CHCHD6: variants seen among roughly 807,000 people sequenced by gnomAD.
The protein encoded by CHCHD6 is MICOS complex subunit MIC25.
A neutral mutation model predicts 32.3 loss-of-function variants in CHCHD6; 28 were observed. That is an observed-to-expected ratio of 0.87 (90% confidence interval 0.64 to 1.19). The LOEUF (loss-of-function observed/expected upper bound fraction) is 1.19, where lower values mean the gene tolerates loss of function less well. Among genes scored for constraint, CHCHD6 ranks in the 50% most tolerant of loss-of-function variants. The pLI is 0.00. For synonymous variants in CHCHD6, 122 were observed against 117.5 expected (o/e 1.04, Z -0.25); for missense variants, 333 against 307.0 (o/e 1.08, Z -0.63).
intron 4 of CHCHD6, among the ~76,000 whole-genome samples, chr3:126,844,718 A>G (rs371203668): frequency 1.3e-5 from 2 of 152,172 alleles, no homozygotes; most frequent in Non-Finnish European, 1.5e-5. Flanking sequence ...GAGCCTGTGC[A>G]TGTTTTCTCT....
intron 4 of CHCHD6, among the ~76,000 whole-genome samples, chr3:126,736,389 C>T (rs1182016730): frequency 1.3e-5 from 2 of 152,188 alleles, no homozygotes; most frequent in Non-Finnish European, 2.9e-5. Flanking sequence ...TGTCTGCCCA[C>T]TCCTCCTAGG....
Position 126,802,637 on chromosome 3 carries a change from T to C in CHCHD6, c.412-50010T>C, listed in dbSNP as rs1233699350. On this transcript the variant is annotated intron_variant, in intron 4 of 7. Transcript: ENST00000290913. ...AGAATGGAACCAAGTTGGAAAACAC[T>C]CTGCAGGATATTATCCAGGAGAGCT... Among the ~76,000 whole-genome samples the C allele has an allele frequency of 6.6e-5, 10 of 152,266 alleles. No individual in the cohort carries two copies. In the East Asian group the frequency reaches 1.9e-3, roughly 29 times the overall value.
intron 5 of CHCHD6, among the ~76,000 whole-genome samples, chr3:126,891,754 T>G (rs1169034891): frequency 6.6e-6 from 1 of 152,050 alleles, no homozygotes; most frequent in African/African-American, 2.4e-5. Flanking sequence ...ACCTTACTGA[T>G]GGGCTTGAGG....
chr3:126,914,328 T>C (rs965440336), intron 5 of CHCHD6, among the ~76,000 whole-genome samples: 1 of 152,230 alleles, frequency 6.6e-6, no homozygotes, highest in Admixed American at 6.5e-5. Context: ...AACTCTGCCA[T>C]TGTAGCACAG....
At chr3:126,907,011 G>C (rs2078017562) in intron 5 of CHCHD6, among the ~76,000 whole-genome samples, 1 of 152,234 alleles carries the variant, frequency 6.6e-6, no homozygotes, top group Non-Finnish European at 1.5e-5. Context: ...CTAGTGGAAA[G>C]TGCTGGGGGT....
intron 5 of CHCHD6, among the ~76,000 whole-genome samples, chr3:126,901,906 T>A (rs1379359135): frequency 6.6e-6 from 1 of 152,242 alleles, no homozygotes; most frequent in Non-Finnish European, 1.5e-5. Context: ...GCTTTCCCCC[T>A]GCATTGTCTA....
intron 4 of CHCHD6, among the ~76,000 whole-genome samples, chr3:126,737,751 G>C (rs1173329273): frequency 7.2e-5 from 11 of 152,042 alleles, no homozygotes; most frequent in Admixed American, 7.2e-4. Context: ...GCAGATAGGG[G>C]GCACTCTTGA....
chr3:126,907,138 A>T (rs1471640539), intron 5 of CHCHD6, among the ~76,000 whole-genome samples: 1 of 152,172 alleles, frequency 6.6e-6, no homozygotes, highest in Non-Finnish European at 1.5e-5. Flanking sequence ...ATGGGCAAAG[A>T]CGCCAACCTA....
chr3:126,857,426 T>C (rs946500315), intron 5 of CHCHD6, among the ~76,000 whole-genome samples: 3 of 152,232 alleles, frequency 2.0e-5, no homozygotes, highest in African/African-American at 7.2e-5. Flanking sequence ...ACCTTTCAGA[T>C]GCTTCCCTGC....
At chr3:126,959,790 C>G (rs1282227007) in intron 7 of CHCHD6, among the ~76,000 whole-genome samples, 1 of 152,220 alleles carries the variant, frequency 6.6e-6, no homozygotes, top group East Asian at 1.9e-4. Flanking sequence ...CAGGCTCCTG[C>G]TGAGCTGTGA....
intron 5 of CHCHD6, among the ~76,000 whole-genome samples, chr3:126,864,232 TCTC>T (rs1195257779): frequency 4.0e-5 from 3 of 74,164 alleles, no homozygotes; most frequent in African/African-American, 1.0e-4. Context: ...ATTATCATCA[TCTC>T]CTCCTCCTCC....
chr3:126,886,281 T>C (rs1267142183), intron 5 of CHCHD6, among the ~76,000 whole-genome samples: 1 of 152,212 alleles, frequency 6.6e-6, no homozygotes, highest in East Asian at 1.9e-4. Flanking sequence ...ATAGGCAACC[T>C]CAGTCCAAAA....
At chr3:126,919,946 T>C (rs562774034) in intron 6 of CHCHD6, among the ~76,000 whole-genome samples, 20 of 152,206 alleles carry the variant, frequency 1.3e-4, no homozygotes, top group African/African-American at 4.3e-4. Context: ...TTTGGAAATC[T>C]CTTACCATTA....
chr3:126,912,955 C>T (rs543260193), intron 5 of CHCHD6, among the ~76,000 whole-genome samples: 49 of 25,758 alleles, frequency 1.9e-3, no homozygotes, highest in Non-Finnish European at 3.8e-3. Flanking sequence ...GAAGTGCTTT[C>T]CCTGGGTGGC....
At chr3:126,797,018 C>T (rs1938824821) in intron 4 of CHCHD6, among the ~76,000 whole-genome samples, 2 of 152,184 alleles carry the variant, frequency 1.3e-5, no homozygotes, top group African/African-American at 2.4e-5. Context: ...TTGCCCTAGG[C>T]TTAGTGTTTT....
chr3:126,934,094 C>T (rs1317088397), intron 6 of CHCHD6, among the ~76,000 whole-genome samples: 3 of 152,170 alleles, frequency 2.0e-5, no homozygotes, highest in Admixed American at 6.5e-5. Context: ...AGAAGTCAGA[C>T]CACTGGAGTG....
At chr3:126,853,761 C>A (rs1941557480) in intron 5 of CHCHD6, among the ~76,000 whole-genome samples, 1 of 152,154 alleles carries the variant, frequency 6.6e-6, no homozygotes, top group South Asian at 2.1e-4. Flanking sequence ...CTCTGAGCTG[C>A]TTTCCGAGTG....
chr3:126,789,755 C>G (rs1006915307), intron 4 of CHCHD6, among the ~76,000 whole-genome samples: 1 of 151,968 alleles, frequency 6.6e-6, no homozygotes, highest in Admixed American at 6.6e-5. Context: ...TACAGCACAC[C>G]GATGGGTCTT....
intron 4 of CHCHD6, among the ~76,000 whole-genome samples, chr3:126,800,804 A>G (rs1389312016): frequency 6.6e-6 from 1 of 152,194 alleles, no homozygotes; most frequent in Non-Finnish European, 1.5e-5. Flanking sequence ...AGGCTTAACC[A>G]CAGCCCTACA....
Sources: allele counts gnomAD v4.1 joint callset (sites outside exome capture counted in the v4.1 genomes callset), GRCh38; gene constraint gnomAD v4.1.1; transcripts MANE v1.5; gene names NCBI Gene and HGNC (gene_info 2026-07-23, HGNC 2026-07-21).